The following PGBD5 variants were observed in gnomAD, a reference collection of about 807,000 sequenced individuals.
The protein encoded by PGBD5 is piggyBac transposable element-derived protein 5.
PGBD5 carries 14 observed loss-of-function variants against 47.9 expected under a neutral mutation model. The observed-to-expected ratio is 0.29, with a 90% CI of 0.19 to 0.46. The LOEUF is 0.46. Ranked by LOEUF, PGBD5 falls within the 20% of genes least tolerant of loss-of-function variation. The pLI, the probability that PGBD5 is intolerant of heterozygous loss-of-function variation, is 1.00. For missense variants in PGBD5, 635 were observed against 716.0 expected (o/e 0.89, Z 1.29); for synonymous variants, 316 against 306.3 (o/e 1.03, Z -0.33).
chr1:230,383,934 G>A (rs1656574418), intron 1 of PGBD5, among the ~76,000 whole-genome samples: 1 of 152,196 alleles, frequency 6.6e-6, no homozygotes, highest in African/African-American at 2.4e-5. Context: ...CCCAGGTGAA[G>A]GCAGTAGATC....
At position 230,382,177 on chromosome 1, in the gene PGBD5, C is replaced by T. The variant is rs754504971; in HGVS notation, c.332-24856G>A. Among the ~76,000 whole-genome samples the T allele has an allele frequency of 2.1e-4, 32 of 152,216 alleles. 1 individual carries two copies. Among genetic ancestry groups the T allele is most frequent in the African/African-American group, 4.3e-4 (18 of 41,450 alleles). The stretch of plus-strand genomic sequence containing the variant: ...GAGCCCAGCAGGCAACCATGGAGCG[C>T]GGACATGCTCAGAGACAGCCCTGAG... On this transcript the variant is annotated intron_variant, in intron 1 of 6. Transcript: ENST00000391860.
chr1:230,372,010 C>T (rs143097183), intron 1 of PGBD5, among the ~76,000 whole-genome samples: 360 of 152,264 alleles, frequency 2.4e-3, no homozygotes, highest in African/African-American at 8.2e-3. Flanking sequence ...GGACAGGAAG[C>T]CCTACCCAAC....
intron 1 of PGBD5, among the ~76,000 whole-genome samples, chr1:230,413,346 A>G (rs969445054): frequency 6.6e-6 from 1 of 152,022 alleles, no homozygotes; most frequent in Non-Finnish European, 1.5e-5. Flanking sequence ...CAGAATTTCG[A>G]GCAAAAAATT....
At chr1:230,417,180 C>G (rs7552204) in intron 1 of PGBD5, among the ~76,000 whole-genome samples, 3,045 of 152,232 alleles carry the variant, frequency 0.02, 109 homozygotes, top group African/African-American at 0.07. Context: ...TCAGATATTT[C>G]AGGGATTCCA....
intron 1 of PGBD5, among the ~76,000 whole-genome samples, chr1:230,366,997 C>A (rs544489039): frequency 6.6e-6 from 1 of 152,176 alleles, no homozygotes; most frequent in African/African-American, 2.4e-5. Flanking sequence ...TCCGTGGGAC[C>A]TGACGAGGAG....
At position 230,396,574 on chromosome 1, in the gene PGBD5, G is replaced by A. The variant is rs1487267078; in HGVS notation, c.331+29024C>T. Among the ~76,000 whole-genome samples, 75 of 55,952 alleles carry A rather than the reference G, an allele frequency of 1.3e-3. 1 individual carries two copies. Among genetic ancestry groups the A allele is most frequent in the African/African-American group, 5.6e-3 (58 of 10,426 alleles). The allele number at this position is 55,952 out of a possible 152,430, so 36.7% of individuals were successfully genotyped here. ...ACATTTTGTTGCCCCCCCTCCCCCTGCATTCATCTGGAATGGACCACAAGC... is the reference window on the plus strand; with the variant it reads ...ACATTTTGTTGCCCCCCCTCCCCCTACATTCATCTGGAATGGACCACAAGC... On this transcript the variant is annotated intron_variant, in intron 1 of 6. Coordinates refer to ENST00000391860, the MANE Select transcript of PGBD5 (RefSeq NM_001258311.2).
chr1:230,381,976 TA>T (rs541795314), intron 1 of PGBD5, among the ~76,000 whole-genome samples: 1 of 152,158 alleles, frequency 6.6e-6, no homozygotes, highest in Non-Finnish European at 1.5e-5. Flanking sequence ...TTCACAGCTT[TA>T]AAAAAAATTG....
At chr1:230,364,570 T>C (rs1304222820) in intron 1 of PGBD5, among the ~76,000 whole-genome samples, 1 of 152,284 alleles carries the variant, frequency 6.6e-6, no homozygotes, top group Non-Finnish European at 1.5e-5. Context: ...CACGTGTGTG[T>C]CTGTGCACTT....
At chr1:230,406,311 C>CAAAAAAAA (rs67577027) in intron 1 of PGBD5, among the ~76,000 whole-genome samples, 1 of 54,638 alleles carries the variant, frequency 1.8e-5, no homozygotes, top group Non-Finnish European at 3.5e-5. Context: ...GACTCCGTCT[C>CAAAAAAAA]AAAAAAAAAA....
At chr1:230,378,747 T>C (rs970900268) in intron 1 of PGBD5, among the ~76,000 whole-genome samples, 1 of 152,154 alleles carries the variant, frequency 6.6e-6, no homozygotes, top group African/African-American at 2.4e-5. Context: ...ATGGCCAACA[T>C]TTCCTGAAAT....
intron 1 of PGBD5, among the ~76,000 whole-genome samples, chr1:230,383,065 C>T (rs894811780): frequency 6.6e-6 from 1 of 152,088 alleles, no homozygotes; most frequent in Non-Finnish European, 1.5e-5. Context: ...TATGTATGTA[C>T]ATGTGTATGT....
In PGBD5 at chr1:230,413,222, C is replaced by T. The variant is rs1403735667; in HGVS notation, c.331+12376G>A. ...GAAATATGAATCAGACTACTGGTGG[C>T]ATGCCGCTCAGAACTCAGGCACAGC... On this transcript the variant is annotated intron_variant, in intron 1 of 6. Coordinates refer to ENST00000391860, the MANE Select transcript of PGBD5 (RefSeq NM_001258311.2). Among the ~76,000 whole-genome samples the T allele has an allele frequency of 2.0e-5, 3 of 152,172 alleles. No individual in the cohort carries two copies. The East Asian group carries it at 5.8e-4, about 29-fold the overall frequency.
chr1:230,346,830 AACGTG>A (rs1667480031), intron 3 of PGBD5, among the ~76,000 whole-genome samples: 1 of 152,082 alleles, frequency 6.6e-6, no homozygotes, highest in Admixed American at 6.5e-5. Context: ...GAATATTTTT[AACGTG>A]TCCATCTCTC....
intron 1 of PGBD5, among the ~76,000 whole-genome samples, chr1:230,360,466 T>C (rs1415214865): frequency 6.6e-6 from 1 of 152,174 alleles, no homozygotes; most frequent in Non-Finnish European, 1.5e-5. Context: ...TCTTGAATTG[T>C]AATCCCCACG....
rs1666993601 is a variant in PGBD5, at chr1:230,319,007, T to G, written c.*4418A>C. Reference sequence around the variant, plus strand: ...CAGTATTCGGATCAGCAGAGAGGATTGGATATGGAAAGGAGAAAATCCCCC... The same window carrying G: ...CAGTATTCGGATCAGCAGAGAGGATGGGATATGGAAAGGAGAAAATCCCCC... On this transcript the variant is annotated 3_prime_UTR_variant, in exon 7 of 7. Transcript: ENST00000391860. The G allele has an allele frequency of 6.6e-6, 1 of 152,230 alleles. No individual in the cohort carries two copies. Among genetic ancestry groups the G allele is most frequent in the Non-Finnish European group, 1.5e-5 (1 of 68,074 alleles). The allele number at this position is 152,230 out of a possible 1,614,324, so 9.4% of individuals were successfully genotyped here. A position where few individuals can be genotyped will look rare whatever the true frequency, so the allele number is the denominator to read the frequency against.
intron 1 of PGBD5, among the ~76,000 whole-genome samples, chr1:230,396,369 TCCC>T (rs1045747716): frequency 3.5e-5 from 4 of 113,454 alleles, no homozygotes; most frequent in Non-Finnish European, 7.4e-5. Flanking sequence ...TTCACCCTCC[TCCC>T]CCTTTGCTCC....
intron 1 of PGBD5, among the ~76,000 whole-genome samples, chr1:230,385,087 T>A (rs828466): frequency 0.58 from 87,756 of 152,094 alleles, 27,419 homozygotes; most frequent in Non-Finnish European, 0.71. Flanking sequence ...GTATTTTTTT[T>A]TTCCCCCTCA....
chr1:230,367,329 C>T (rs1237544999), intron 1 of PGBD5, among the ~76,000 whole-genome samples: 2 of 152,210 alleles, frequency 1.3e-5, no homozygotes, highest in African/African-American at 2.4e-5. Context: ...CCTCCAGGGA[C>T]CACCCTAGTC....
chr1:230,405,444 ATAT>A (rs1316678776), intron 1 of PGBD5, among the ~76,000 whole-genome samples: 3 of 152,354 alleles, frequency 2.0e-5, no homozygotes, highest in Admixed American at 6.5e-5. Flanking sequence ...TTTCTTCATA[ATAT>A]TTTTTTCTCT....
Sources: gnomAD v4.1 joint callset for allele counts (sites outside exome capture counted in the v4.1 genomes callset) on GRCh38, gnomAD v4.1.1 for gene constraint, MANE v1.5 for transcripts, NCBI Gene and HGNC (gene_info 2026-07-23, HGNC 2026-07-21) for gene names.